Variants in ROBO1 observed in about 807,000 individuals in gnomAD.
ROBO1 encodes the protein roundabout guidance receptor 1, also known as roundabout homolog 1.
Under a neutral mutation model 195.9 loss-of-function variants are expected in ROBO1, and 149 were observed. That is an observed-to-expected ratio of 0.76 (90% CI 0.67 to 0.87). The LOEUF is 0.87. Among genes scored for constraint, ROBO1 ranks in the 40% least tolerant of loss-of-function variants. The pLI is 0.00. For synonymous variants in ROBO1, 816 were observed against 733.2 expected (o/e 1.11, Z -1.82); for missense variants, 1,933 against 2,068.3 (o/e 0.93, Z 1.27).
chr3:79,725,296 G>A (rs1000408550), intron 1 of ROBO1, among the ~76,000 whole-genome samples: 2 of 134,858 alleles, frequency 1.5e-5, no homozygotes, highest in South Asian at 4.7e-4. Flanking sequence ...GCGCGATCTC[G>A]GCTCACTGCA....
intron 8 of ROBO1, chr3:78,693,248 T>C (rs1258152562): frequency 1.8e-5 from 27 of 1,478,786 alleles, no homozygotes; most frequent in Non-Finnish European, 2.1e-5. Context: ...TGGAGGCTGA[T>C]TGGTTGAAGG....
intron 1 of ROBO1, among the ~76,000 whole-genome samples, chr3:79,667,492 T>C (rs1946508836): frequency 6.6e-6 from 1 of 151,752 alleles, no homozygotes; most frequent in Admixed American, 6.6e-5. Flanking sequence ...TGTAAGAGAG[T>C]TGTCTTAAGG....
chr3:79,005,477 T>C (rs1304834097), intron 3 of ROBO1, among the ~76,000 whole-genome samples: 1 of 152,220 alleles, frequency 6.6e-6, no homozygotes, highest in Non-Finnish European at 1.5e-5. Flanking sequence ...TAAAAATTTC[T>C]ACGTTTAGAA....
intron 2 of ROBO1, among the ~76,000 whole-genome samples, chr3:79,229,818 T>C (rs536384669): frequency 1.3e-5 from 2 of 152,176 alleles, no homozygotes; most frequent in Non-Finnish European, 2.9e-5. Flanking sequence ...TCTTAAATTA[T>C]ATTTATTTAA....
chr3:79,019,569 C>T (rs2108267388), intron 3 of ROBO1: 1 of 985,392 alleles, frequency 1.0e-6, no homozygotes, highest in East Asian at 1.1e-4. Flanking sequence ...TCACTCTATT[C>T]TCCAGGCGCT....
At chr3:79,200,584 G>A (rs1186064157) in intron 2 of ROBO1, among the ~76,000 whole-genome samples, 3 of 151,706 alleles carry the variant, frequency 2.0e-5, no homozygotes, top group Admixed American at 6.6e-5. Context: ...ACAAAGAAGT[G>A]CCAATTAAGT....
intron 4 of ROBO1, among the ~76,000 whole-genome samples, chr3:78,787,099 C>T (rs190797601): frequency 2.4e-3 from 370 of 152,234 alleles, no homozygotes; most frequent in Non-Finnish European, 4.3e-3. Flanking sequence ...GATTCAGTTA[C>T]GCTAGTGTAG....
chr3:79,444,389 C>A (rs1162522629), intron 2 of ROBO1, among the ~76,000 whole-genome samples: 1 of 151,918 alleles, frequency 6.6e-6, no homozygotes, highest in Non-Finnish European at 1.5e-5. Flanking sequence ...AAATGAAATA[C>A]ACAGTAAAAC....
intron 2 of ROBO1, among the ~76,000 whole-genome samples, chr3:79,358,231 G>T (rs2109294904): frequency 6.6e-6 from 1 of 151,982 alleles, no homozygotes; most frequent in Admixed American, 6.5e-5. Context: ...TAGTAACTAT[G>T]AAACACTAAG....
intron 2 of ROBO1, among the ~76,000 whole-genome samples, chr3:79,560,753 T>C (rs1003419049): frequency 5.3e-5 from 8 of 152,038 alleles, no homozygotes; most frequent in South Asian, 2.1e-4. Context: ...TTCATGTGTA[T>C]ATAACATGCC....
At chr3:79,008,838 C>T (rs1339733800) in intron 3 of ROBO1, among the ~76,000 whole-genome samples, 11 of 150,878 alleles carry the variant, frequency 7.3e-5, no homozygotes, top group African/African-American at 2.4e-4. Context: ...ATCCTCCCAC[C>T]TCAATCTCCC....
At chr3:79,652,213 A>C (rs78440287) in intron 1 of ROBO1, among the ~76,000 whole-genome samples, 1 of 152,126 alleles carries the variant, frequency 6.6e-6, no homozygotes. Context: ...TCCAGGGGGA[A>C]TTCTAAGCAG....
At chr3:79,674,022 C>T (rs1277839547) in intron 1 of ROBO1, among the ~76,000 whole-genome samples, 1 of 152,000 alleles carries the variant, frequency 6.6e-6, no homozygotes, top group Non-Finnish European at 1.5e-5. Flanking sequence ...AAAGTTATTT[C>T]AGTCACCAAT....
At chr3:79,545,910 A>T (rs370750211) in intron 2 of ROBO1, among the ~76,000 whole-genome samples, 1 of 152,282 alleles carries the variant, frequency 6.6e-6, no homozygotes, top group East Asian at 1.9e-4. Flanking sequence ...TTGATTCTTG[A>T]TGAACATGGG....
At chr3:79,348,881 G>T (rs182945109) in intron 2 of ROBO1, among the ~76,000 whole-genome samples, 1 of 152,170 alleles carries the variant, frequency 6.6e-6, no homozygotes, top group East Asian at 1.9e-4. Context: ...TCCAAAATAG[G>T]CCTGATTATG....
At chr3:79,737,266 A>G (rs2107394860) in intron 1 of ROBO1, among the ~76,000 whole-genome samples, 1 of 152,322 alleles carries the variant, frequency 6.6e-6, no homozygotes, top group Non-Finnish European at 1.5e-5. Context: ...ACTATGAATT[A>G]CATAATAAGC....
chr3:79,584,145 GGATA>G (rs962369181), intron 2 of ROBO1, among the ~76,000 whole-genome samples: 4 of 151,416 alleles, frequency 2.6e-5, no homozygotes, highest in East Asian at 3.9e-4. Context: ...GTGAAAGAAT[GGATA>G]GATAGAGTCT....
Position 78,730,322 on chromosome 3 carries a change from C to T in ROBO1, c.658-12439G>A, listed in dbSNP as rs376758853. 7.1e-3 allele frequency among the ~76,000 whole-genome samples: 463 copies of T among 65,090 alleles called. 141 individuals are homozygous for T. The South Asian group carries it at 0.098, about 14-fold the overall frequency. The allele number at this position is 65,090 out of a possible 152,430, so 42.7% of individuals were successfully genotyped here. A position where few individuals can be genotyped will look rare whatever the true frequency, so the allele number is the denominator to read the frequency against. ...CCAGAGACCACGTATAACTTGTTAC[C>T]CTTGAAATTTACATTGACTTACATT... is the stretch of plus-strand genomic sequence containing the variant. On this transcript the variant is annotated intron_variant, in intron 5 of 30. Coordinates refer to ENST00000464233, the MANE Select transcript of ROBO1 (RefSeq NM_002941.4).
chr3:78,834,018 A>G, intron 4 of ROBO1, among the ~76,000 whole-genome samples: 1 of 152,176 alleles, frequency 6.6e-6, no homozygotes, highest in East Asian at 1.9e-4. Context: ...AATCTCACAG[A>G]ATCTGACAAA....
Sources: allele counts gnomAD v4.1 joint callset (sites outside exome capture counted in the v4.1 genomes callset), GRCh38; gene constraint gnomAD v4.1.1; transcripts MANE v1.5; gene names NCBI Gene and HGNC (gene_info 2026-07-23, HGNC 2026-07-21).